Variants in PEPD observed in about 807,000 individuals in gnomAD.
PEPD encodes peptidase D, also known as xaa-Pro dipeptidase.
Under a neutral mutation model 60.7 loss-of-function variants are expected in PEPD, and 53 were observed. The observed-to-expected ratio is 0.87, with a 90% CI of 0.70 to 1.10. The LOEUF is 1.10. Ranked by LOEUF, PEPD falls within the 50% of genes least tolerant of loss-of-function variation. PEPD has a pLI of 0.00. For missense variants in PEPD, 711 were observed against 711.9 expected (o/e 1.00, Z 0.01); for synonymous variants, 267 against 284.1 (o/e 0.94, Z 0.60).
chr19:33,410,669 C>T (rs1968743672), intron 11 of PEPD, among the ~76,000 whole-genome samples: 1 of 152,180 alleles, frequency 6.6e-6, no homozygotes, highest in Non-Finnish European at 1.5e-5. Flanking sequence ...ACATGCCATG[C>T]TGCTGGGGGG....
chr19:33,446,864 G>A (rs1969603848), intron 9 of PEPD, among the ~76,000 whole-genome samples: 2 of 152,218 alleles, frequency 1.3e-5, no homozygotes, highest in South Asian at 4.1e-4. Context: ...ACAGCCATCA[G>A]CAGGCCCCAC....
chr19:33,499,008 A>G (rs1970660827), intron 4 of PEPD, among the ~76,000 whole-genome samples: 1 of 152,202 alleles, frequency 6.6e-6, no homozygotes, highest in Non-Finnish European at 1.5e-5. Flanking sequence ...TTTCTGGGGC[A>G]GGGAACACAT....
In PEPD at chr19:33,413,643, G is replaced by A; in HGVS notation, c.672C>T (p.Ser224=). 6.3e-7 allele frequency: 1 copy of A among 1,576,938 alleles called. No homozygotes were observed. ...KVGMKEYELE[S]LFEHYCYSRG... is the part of the protein sequence containing the mutation. ...GGGAGTAGCAGTAGTGCTCGAAGAG[G>A]CTGCAGGGGGAGAGACGCGTCAGGG... Residue 224 remains serine, a splice_region_variant and synonymous_variant, in exon 10 of 15, where the codon AGC becomes AGT. Coordinates refer to ENST00000244137, the MANE Select transcript of PEPD (RefSeq NM_000285.4).
At chr19:33,510,182 A>C (rs1970893929) in intron 3 of PEPD, among the ~76,000 whole-genome samples, 7 of 152,218 alleles carry the variant, frequency 4.6e-5, no homozygotes, top group Admixed American at 4.6e-4. Flanking sequence ...TAAACAAACA[A>C]GGCCCCCAGT....
chr19:33,504,349 C>A (rs149619421), intron 3 of PEPD, among the ~76,000 whole-genome samples: 54 of 152,324 alleles, frequency 3.5e-4, no homozygotes, highest in Non-Finnish European at 2.8e-4. Flanking sequence ...TGAGGCCAGG[C>A]TGGCCAGGGC....
chr19:33,458,156 A>G (rs1372579967), intron 9 of PEPD, among the ~76,000 whole-genome samples: 1 of 149,356 alleles, frequency 6.7e-6, no homozygotes, highest in Non-Finnish European at 1.5e-5. Context: ...GTGTGTGCAT[A>G]TGGCTGTGGT....
Position 33,411,671 on chromosome 19 carries a change from C to T in PEPD, c.818+1G>A, listed in dbSNP as rs1259897283. On this transcript the variant is annotated splice_donor_variant, in intron 11 of 14. Coordinates refer to ENST00000244137, the MANE Select transcript of PEPD (RefSeq NM_000285.4). LOFTEE classifies it high-confidence loss of function. ...GAGCCAGGGCCGCTGGCCCTACTTACCACATATCCCCATTCTGGATCGTTC... is the reference window on the plus strand; with the variant it reads ...GAGCCAGGGCCGCTGGCCCTACTTATCACATATCCCCATTCTGGATCGTTC... 3 of 1,585,792 alleles carry T rather than the reference C, an allele frequency of 1.9e-6. No homozygotes were observed. Among genetic ancestry groups the T allele is most frequent in the Admixed American group, 1.7e-5 (1 of 59,944 alleles).
At chr19:33,409,972 G>A (rs919828281) in intron 11 of PEPD, among the ~76,000 whole-genome samples, 15 of 152,248 alleles carry the variant, frequency 9.9e-5, no homozygotes, top group African/African-American at 3.6e-4. Context: ...CAGGCATGTA[G>A]GAGGAAAGCT....
At chr19:33,472,304 G>C (rs1220548375) in intron 7 of PEPD, among the ~76,000 whole-genome samples, 1 of 152,178 alleles carries the variant, frequency 6.6e-6, no homozygotes, top group East Asian at 1.9e-4. Context: ...TTCCAGCCTG[G>C]GCAAGAGCAT....
At chr19:33,515,784 C>A (rs955032876) in intron 1 of PEPD, among the ~76,000 whole-genome samples, 2 of 152,084 alleles carry the variant, frequency 1.3e-5, no homozygotes, top group Non-Finnish European at 2.9e-5. Context: ...ACACTCCCCT[C>A]TCCCTGCCTG....
At position 33,478,053 on chromosome 19, in the gene PEPD, C is replaced by G. The variant is rs372629704; in HGVS notation, c.541G>C (p.Val181Leu). ...VNNTILHPEI[V>L]ECRVFKTDME... is the part of the protein sequence containing the mutation. ...ACCACAGGCCGTACTCACCACTCAA[C>G]GATCTCTGGGTGAAGAATGGTATTG... The change falls in exon 7 of 15, where the codon GTT (valine) becomes CTT (leucine). Residue 181 changes from valine (V) to leucine (L), a missense_variant. Coordinates refer to ENST00000244137, the MANE Select transcript of PEPD (RefSeq NM_000285.4). 6.0e-5 allele frequency: 97 copies of G among 1,610,414 alleles called. No homozygotes were observed. The African/African-American group carries it at 1.3e-3, about 21-fold the overall frequency.
At chr19:33,510,787 A>C (rs1363697146) in intron 3 of PEPD, among the ~76,000 whole-genome samples, 1 of 152,148 alleles carries the variant, frequency 6.6e-6, no homozygotes, top group Non-Finnish European at 1.5e-5. Flanking sequence ...TATCTACCTA[A>C]AACAATTTCT....
At chr19:33,478,373 A>G (rs984766014) in intron 6 of PEPD, among the ~76,000 whole-genome samples, 2 of 152,230 alleles carry the variant, frequency 1.3e-5, no homozygotes, top group Admixed American at 1.3e-4. Context: ...TGTGTCAAGT[A>G]TATCAAAATA....
At chr19:33,400,583 TG>T (rs1363125165) in intron 12 of PEPD, among the ~76,000 whole-genome samples, 2 of 152,204 alleles carry the variant, frequency 1.3e-5, no homozygotes, top group African/African-American at 4.8e-5. Context: ...GTCAGAGTCG[TG>T]GGAGCCATGT....
chr19:33,458,997 A>G (rs1229922392), intron 9 of PEPD, among the ~76,000 whole-genome samples: 1 of 151,844 alleles, frequency 6.6e-6, no homozygotes, highest in African/African-American at 2.4e-5. Context: ...CCATGTGGCC[A>G]AAGAGTAAGA....
intron 2 of PEPD, 73 bp from the exon 3 acceptor site, chr19:33,511,228 A>G: frequency 1.3e-6 from 2 of 1,528,990 alleles, no homozygotes; most frequent in Non-Finnish European, 1.8e-6. Flanking sequence ...GCTGCATCAC[A>G]GCACCCTAGA....
At chr19:33,457,423 C>T (rs1275943734) in intron 9 of PEPD, among the ~76,000 whole-genome samples, 7 of 152,332 alleles carry the variant, frequency 4.6e-5, no homozygotes, top group African/African-American at 1.7e-4. Flanking sequence ...CCCACGCCCC[C>T]TGCAGTCCTG....
intron 11 of PEPD, among the ~76,000 whole-genome samples, chr19:33,407,262 G>C (rs919353100): frequency 1.6e-4 from 25 of 152,364 alleles, no homozygotes; most frequent in African/African-American, 6.0e-4. Context: ...CCAGGACCTG[G>C]GGCGGCCTCA....
chr19:33,492,888 CT>C (rs976314809), intron 5 of PEPD, among the ~76,000 whole-genome samples: 1 of 151,884 alleles, frequency 6.6e-6, no homozygotes, highest in African/African-American at 2.4e-5. Context: ...TTATTTTTTT[CT>C]TTTTTTGAGA....
Sources: gnomAD v4.1 joint callset for allele counts (sites outside exome capture counted in the v4.1 genomes callset) on GRCh38, gnomAD v4.1.1 for gene constraint, MANE v1.5 for transcripts, NCBI Gene and HGNC (gene_info 2026-07-23, HGNC 2026-07-21) for gene names.